Variants in ATXN10 observed in about 807,000 individuals in gnomAD.
ATXN10 encodes the protein ataxin 10, also known as ataxin-10.
A neutral mutation model predicts 52.9 loss-of-function variants in ATXN10; 28 were observed. The ratio of observed to expected loss-of-function variants is 0.53; its 90% confidence interval spans 0.39 to 0.73. The LOEUF (loss-of-function observed/expected upper bound fraction) is 0.73, where lower values mean the gene tolerates loss of function less well. ATXN10 is among the 30% of genes least tolerant of loss of function. The pLI, the probability that ATXN10 is intolerant of heterozygous loss-of-function variation, is 0.00. For missense variants in ATXN10, 565 were observed against 577.0 expected (o/e 0.98, Z 0.21); for synonymous variants, 226 against 221.5 (o/e 1.02, Z -0.18).
chr22:45,814,749 G>T (rs1389939824), intron 10 of ATXN10, among the ~76,000 whole-genome samples: 2 of 152,102 alleles, frequency 1.3e-5, no homozygotes, highest in African/African-American at 4.8e-5. Flanking sequence ...CGTCTCCGGT[G>T]AGATCAGCAG....
rs1342663771 is a variant in ATXN10 at position 45,840,069 on chromosome 22, A to T, written c.1238-2922A>T. 6.6e-6 allele frequency among the ~76,000 whole-genome samples: 1 copy of T among 152,228 alleles called. No individual in the cohort carries two copies. The highest frequency in any genetic ancestry group is 1.5e-5 in the Non-Finnish European group (1 of 68,030). On this transcript the variant is annotated intron_variant, in intron 10 of 11. Coordinates refer to ENST00000252934, the MANE Select transcript of ATXN10 (RefSeq NM_013236.4). This position sits in a 1 kb window ranked among gnomAD's most constrained non-coding sequence, Gnocchi z 5.8. ...TGCATTAGAGTATACAGAAATACAA[A>T]CAAACAGTCATAGCTTACATAATTT...
rs1398568101 is a variant in ATXN10 at position 45,843,319 on chromosome 22, C to G, written c.1425+141C>G. On this transcript the variant is annotated intron_variant, in intron 11 of 11. Coordinates refer to ENST00000252934, the MANE Select transcript of ATXN10 (RefSeq NM_013236.4). This position sits in a 1 kb window ranked among gnomAD's most constrained non-coding sequence, Gnocchi z 4.5. ...TCTATAGTGGTTTACCGAGGAAAGC[C>G]CTAAAGATAGCTGCAAACGGTTTTT... 9 of 994,232 alleles carry G rather than the reference C, an allele frequency of 9.1e-6. No homozygotes were observed. The highest frequency in any genetic ancestry group is 1.4e-5 in the Non-Finnish European group (9 of 661,088). 61.6% of individuals were successfully genotyped at this position (994,232 alleles called of 1,614,324 possible). A position where few individuals can be genotyped will look rare whatever the true frequency, so the allele number is the denominator to read the frequency against.
At chr22:45,792,445 C>G (rs928303263) in intron 9 of ATXN10, 1 of 153,058 alleles carries the variant, frequency 6.5e-6, no homozygotes, top group African/African-American at 2.4e-5. Context: ...ATCTTTTCCC[C>G]CTTGGTAACC....
rs1363811440 is a variant in ATXN10, at chr22:45,766,728, A to T, written c.1173+26190A>T. Reference sequence around the variant, plus strand: ...AAGAAGCAAATAAGCACATAAAATGATAAAGAAAAAATAGTGGAAAAGATT... The same window carrying T: ...AAGAAGCAAATAAGCACATAAAATGTTAAAGAAAAAATAGTGGAAAAGATT... On this transcript the variant is annotated intron_variant, in intron 9 of 11. Transcript: ENST00000252934. The surrounding 1 kb of genome is among the most constrained non-coding windows in gnomAD (Gnocchi z 4.6). Among the ~76,000 whole-genome samples the T allele has an allele frequency of 6.6e-6, 1 of 152,248 alleles. No individual in the cohort carries two copies. The highest frequency in any genetic ancestry group is 1.9e-4 in the East Asian group (1 of 5,202).
In ATXN10 at chr22:45,826,053, C is replaced by T. The variant is rs930440994; in HGVS notation, c.1238-16938C>T. On this transcript the variant is annotated intron_variant, in intron 10 of 11. Transcript: ENST00000252934. This position sits in a 1 kb window ranked among gnomAD's most constrained non-coding sequence, Gnocchi z 5.0. ...CTGTAGCCTGGGGAACAGAGCCAGG[C>T]CCTGTCTCTAAATCAAAACAAAACA... Among the ~76,000 whole-genome samples the T allele has an allele frequency of 6.6e-6, 1 of 152,038 alleles. No individual in the cohort carries two copies. The highest frequency in any genetic ancestry group is 2.1e-4 in the South Asian group (1 of 4,808).
At chr22:45,779,841 T>C (rs987165882) in intron 9 of ATXN10, among the ~76,000 whole-genome samples, 17 of 152,190 alleles carry the variant, frequency 1.1e-4, no homozygotes, top group Admixed American at 9.8e-4. Flanking sequence ...TCATTCGTAC[T>C]TTATTTGGAA....
chr22:45,689,902 A>T lies in ATXN10; in HGVS notation c.307A>T (p.Arg103Trp), dbSNP rs201467336. ...IECSVNQNSIRNLDTIGVAVD... is the reference protein window; with the variant it reads ...IECSVNQNSIWNLDTIGVAVD... Reference sequence around the variant, plus strand: ...GTGTTCTGTGAACCAGAATTCAATCAGGTAGTTACACACGTACCTTGGATT... The same window carrying T: ...GTGTTCTGTGAACCAGAATTCAATCTGGTAGTTACACACGTACCTTGGATT... The change falls in exon 2 of 12, where the codon AGG becomes TGG. Residue 103 changes from arginine (R) to tryptophan (W), a missense_variant and splice_region_variant. Arg to Trp is a moderately radical substitution (Grantham distance 101, BLOSUM62 -3). Coordinates refer to ENST00000252934, the MANE Select transcript of ATXN10 (RefSeq NM_013236.4). 9 of 1,613,738 alleles carry T rather than the reference A, an allele frequency of 5.6e-6. No homozygotes were observed. Among genetic ancestry groups the T allele is most frequent in the African/African-American group, 1.3e-5 (1 of 74,922 alleles).
intron 9 of ATXN10, among the ~76,000 whole-genome samples, chr22:45,746,017 A>G (rs964354495): frequency 2.0e-5 from 3 of 152,094 alleles, no homozygotes; most frequent in African/African-American, 7.2e-5. Context: ...ATTCTAATTT[A>G]CTGTAATTTG....
At position 45,672,139 on chromosome 22, in the gene ATXN10, C is replaced by T. The variant is rs186793141; in HGVS notation, c.76C>T (p.Leu26=). Residue 26 remains leucine, a synonymous_variant, in exon 1 of 12, where the codon CTG becomes TTG. Transcript: ENST00000252934. ...VPAPIQDLEA[L]RALTALFKEQ... The stretch of plus-strand genomic sequence containing the variant: ...GGCGCCCATCCAAGACCTGGAGGCC[C>T]TGCGCGCGCTCACGGCGCTCTTCAA... 2.3e-4 allele frequency: 351 copies of T among 1,540,232 alleles called. No homozygotes were observed. The highest frequency in any genetic ancestry group is 1.9e-3 in the African/African-American group (139 of 72,894).
chr22:45,680,407 C>T (rs1458749527), intron 1 of ATXN10, among the ~76,000 whole-genome samples: 1 of 152,126 alleles, frequency 6.6e-6, no homozygotes, highest in Non-Finnish European at 1.5e-5. Flanking sequence ...CCCAAATTGA[C>T]CTGTGGATTC....
chr22:45,764,451 C>G (rs991947056), intron 9 of ATXN10, among the ~76,000 whole-genome samples: 1 of 152,228 alleles, frequency 6.6e-6, no homozygotes, highest in African/African-American at 2.4e-5. Flanking sequence ...AAAGACATCT[C>G]CCTTGCGTCT....
intron 9 of ATXN10, among the ~76,000 whole-genome samples, chr22:45,782,087 G>C (rs929581764): frequency 6.6e-6 from 1 of 152,134 alleles, no homozygotes; most frequent in Admixed American, 6.5e-5. Context: ...GAGTTTCCTT[G>C]GTATAGCTTT....
Position 45,700,242 on chromosome 22 carries a change from A to G in ATXN10, c.392-40A>G, listed in dbSNP as rs764255013. Reference sequence around the variant, plus strand: ...AAGATGCATTTATTTATTGTGTTTAATCATTTATTTATTTATTTATAACTT... The same window carrying G: ...AAGATGCATTTATTTATTGTGTTTAGTCATTTATTTATTTATTTATAACTT... On this transcript the variant is annotated intron_variant, in intron 3 of 11. Transcript: ENST00000252934. The G allele has an allele frequency of 1.1e-5, 14 of 1,274,618 alleles. No individual in the cohort carries two copies. In the African/African-American group the frequency reaches 1.6e-4, roughly 15 times the overall value. 79.0% of individuals were successfully genotyped at this position (1,274,618 alleles called of 1,614,324 possible).
chr22:45,740,123 G>C (rs1925452606), intron 8 of ATXN10, among the ~76,000 whole-genome samples: 1 of 152,106 alleles, frequency 6.6e-6, no homozygotes, highest in Non-Finnish European at 1.5e-5. Flanking sequence ...ACTCTGAGTT[G>C]GGGTAGTCAT....
At chr22:45,804,192 C>G (rs1486240575) in intron 9 of ATXN10, among the ~76,000 whole-genome samples, 1 of 152,220 alleles carries the variant, frequency 6.6e-6, no homozygotes, top group Non-Finnish European at 1.5e-5. Context: ...GGTCTCCAGA[C>G]CTCACCTTGA....
At chr22:45,672,227 G>A (rs1399047717) in intron 1 of ATXN10, 48 bp downstream of exon 1, 3 of 1,445,260 alleles carry the variant, frequency 2.1e-6, no homozygotes, top group South Asian at 2.7e-5. Flanking sequence ...AGGGCGGCCG[G>A]GACTCCCGCG....
At chr22:45,735,812 C>CTT (rs746222703) in intron 7 of ATXN10, among the ~76,000 whole-genome samples, 117 of 65,796 alleles carry the variant, frequency 1.8e-3, no homozygotes, top group South Asian at 3.0e-3. Flanking sequence ...ATTTGCTTGT[C>CTT]TTTTTTTTTT....
At chr22:45,829,771 C>G (rs955147545) in intron 10 of ATXN10, among the ~76,000 whole-genome samples, 4 of 152,042 alleles carry the variant, frequency 2.6e-5, no homozygotes, top group African/African-American at 9.7e-5. Context: ...TGTTGAAAAA[C>G]AATATTGTTA....
Position 45,712,865 on chromosome 22 carries a change from A to G in ATXN10, c.648-5548A>G, listed in dbSNP as rs1159016864. Among the ~76,000 whole-genome samples, 2 of 152,222 alleles carry G rather than the reference A, an allele frequency of 1.3e-5. No homozygotes were observed. Among genetic ancestry groups the G allele is most frequent in the African/African-American group, 2.4e-5 (1 of 41,466 alleles). On this transcript the variant is annotated intron_variant, in intron 5 of 11. Transcript: ENST00000252934. This position sits in a 1 kb window ranked among gnomAD's most constrained non-coding sequence, Gnocchi z 4.6. ...TAGACCAGCTTTGTAAGCTTTGTCC[A>G]AATTGCTGTGTTAAGCAACTGTGGG...
Sources: allele counts gnomAD v4.1 joint callset (sites outside exome capture counted in the v4.1 genomes callset), GRCh38; gene constraint gnomAD v4.1.1; non-coding constraint Gnocchi (gnomAD v3.1); transcripts MANE v1.5; gene names NCBI Gene and HGNC (gene_info 2026-07-23, HGNC 2026-07-21).